MGAT4A: variants seen among roughly 807,000 people sequenced by gnomAD.
The protein encoded by MGAT4A is N-acetylglucosaminyltransferase IVa.
In MGAT4A, 33 loss-of-function variants were observed where a neutral mutation model predicts 74.1. That is an observed-to-expected ratio of 0.45 (90% CI 0.34 to 0.60). The LOEUF is 0.60. Ranked by LOEUF, MGAT4A falls within the 20% of genes least tolerant of loss-of-function variation. The pLI is 0.02. For synonymous variants in MGAT4A, 198 were observed against 210.4 expected, an observed-to-expected ratio of 0.94 and a Z score of 0.51; for missense variants, 479 against 628.3, an observed-to-expected ratio of 0.76 and a Z score of 2.54.
chr2:98,716,826 T>C (rs1702599441), intron 2 of MGAT4A, among the ~76,000 whole-genome samples: 1 of 152,214 alleles, frequency 6.6e-6, no homozygotes, highest in South Asian at 2.1e-4. Flanking sequence ...AAATCATCTC[T>C]AGATTACTTA....
intron 13 of MGAT4A, 38 bp downstream of exon 13, chr2:98,636,479 A>C (rs192928342): frequency 6.9e-7 from 1 of 1,450,298 alleles, no homozygotes; most frequent in Admixed American, 1.7e-5. Flanking sequence ...TACTAGTATT[A>C]GTTGTTAGGG....
chr2:98,685,899 T>C (rs946169583), intron 2 of MGAT4A, among the ~76,000 whole-genome samples: 5 of 152,144 alleles, frequency 3.3e-5, no homozygotes, highest in Non-Finnish European at 5.9e-5. Flanking sequence ...GTAGCCAGCA[T>C]TGTCCTCGGG....
chr2:98,707,829 G>A (rs917259319), intron 2 of MGAT4A, among the ~76,000 whole-genome samples: 2 of 152,128 alleles, frequency 1.3e-5, no homozygotes, highest in Non-Finnish European at 2.9e-5. Context: ...CCAGAGCAAG[G>A]CTGCTCATGT....
intron 2 of MGAT4A, among the ~76,000 whole-genome samples, chr2:98,713,758 G>A (rs72825780): frequency 0.053 from 8,132 of 152,230 alleles, 407 homozygotes; most frequent in African/African-American, 0.12. Flanking sequence ...TTCTGACTCA[G>A]AACCAACATG....
intron 7 of MGAT4A, chr2:98,655,883 ATT>A: frequency 5.5e-6 from 1 of 183,358 alleles, no homozygotes; most frequent in African/African-American, 2.4e-5. Context: ...CTTAATACAT[ATT>A]TTTCCAAACT....
intron 4 of MGAT4A, among the ~76,000 whole-genome samples, chr2:98,666,812 T>A (rs1039131552): frequency 1.3e-5 from 2 of 152,174 alleles, no homozygotes; most frequent in African/African-American, 4.8e-5. Context: ...ATCCACAGTG[T>A]GCAAACAAGA....
At chr2:98,728,666 T>C (rs1001711109) in intron 1 of MGAT4A, among the ~76,000 whole-genome samples, 8 of 152,092 alleles carry the variant, frequency 5.3e-5, no homozygotes, top group African/African-American at 1.4e-4. Flanking sequence ...GGAGAATTAC[T>C]TGAACCTGGG....
At chr2:98,672,129 C>G (rs1267186740) in intron 4 of MGAT4A, among the ~76,000 whole-genome samples, 1 of 152,002 alleles carries the variant, frequency 6.6e-6, no homozygotes, top group Non-Finnish European at 1.5e-5. Flanking sequence ...CACCAACACA[C>G]CCATCTTCAC....
Position 98,678,484 on chromosome 2 carries a change from C to T in MGAT4A, c.95-13G>A. On this transcript the variant is annotated splice_polypyrimidine_tract_variant and intron_variant, in intron 2 of 15. Coordinates refer to ENST00000393487, the MANE Select transcript of MGAT4A (RefSeq NM_012214.3). ...GCAATCAGTTTTTCTAGAAGCAAAA[C>T]CAAAACAGTTATAGTATATGTCTTA... 1 of 1,548,772 alleles carries T rather than the reference C, an allele frequency of 6.5e-7. No individual in the cohort carries two copies.
Position 98,664,396 on chromosome 2 carries a change from G to T in MGAT4A, c.404-1217C>A, listed in dbSNP as rs1234063522. On this transcript the variant is annotated intron_variant, in intron 4 of 15. Coordinates refer to ENST00000393487, the MANE Select transcript of MGAT4A (RefSeq NM_012214.3). ...TTTCACATTAGCTTACGTGCAATTT[G>T]TCCTCTGAGACAAACACCAGGTGAA... Among the ~76,000 whole-genome samples, 3 of 152,056 alleles carry T rather than the reference G, an allele frequency of 2.0e-5. No homozygotes were observed. In the South Asian group the frequency reaches 6.2e-4, roughly 31 times the overall value.
At chr2:98,635,177 G>T in intron 14 of MGAT4A, 45 bp downstream of exon 14, 2 of 1,417,480 alleles carry the variant, frequency 1.4e-6, no homozygotes, top group Non-Finnish European at 2.0e-6. Flanking sequence ...TACTTTAGGA[G>T]TAAGTCCAGA....
intron 8 of MGAT4A, among the ~76,000 whole-genome samples, chr2:98,653,081 T>C (rs1316205475): frequency 1.4e-5 from 2 of 140,804 alleles, no homozygotes; most frequent in Non-Finnish European, 3.1e-5. Context: ...AAAGAAGAAA[T>C]CACAAGGGAT....
intron 9 of MGAT4A, 125 bp from the exon 10 acceptor site, chr2:98,644,178 C>T: frequency 2.0e-6 from 2 of 990,520 alleles, no homozygotes; most frequent in South Asian, 5.0e-5. Context: ...TCATCATAAA[C>T]AATTTCCCCA....
intron 6 of MGAT4A, 26 bp from the exon 7 acceptor site, chr2:98,656,491 A>T (rs1358914056): frequency 1.4e-6 from 2 of 1,464,710 alleles, no homozygotes; most frequent in South Asian, 1.2e-5. Context: ...TAGCTGAGTT[A>T]CTTAAGTTCT....
intron 2 of MGAT4A, among the ~76,000 whole-genome samples, chr2:98,689,364 T>A (rs1414533066): frequency 6.6e-6 from 1 of 152,174 alleles, no homozygotes; most frequent in African/African-American, 2.4e-5. Context: ...CTAATAATGG[T>A]GGTGAAATTG....
chr2:98,709,190 G>A (rs763232712), intron 2 of MGAT4A, among the ~76,000 whole-genome samples: 8 of 152,042 alleles, frequency 5.3e-5, no homozygotes, highest in African/African-American at 1.4e-4. Flanking sequence ...ATGAGACCAC[G>A]GAGAAAAAGG....
chr2:98,627,441 T>A (rs538644284), intron 14 of MGAT4A, among the ~76,000 whole-genome samples: 1 of 152,324 alleles, frequency 6.6e-6, no homozygotes, highest in Admixed American at 6.5e-5. Context: ...GATGGCACGA[T>A]CTCGGCTCAC....
intron 4 of MGAT4A, chr2:98,663,515 T>C (rs1701783335): frequency 1.5e-6 from 2 of 1,304,772 alleles, no homozygotes; most frequent in South Asian, 4.0e-5. Flanking sequence ...ACTAATGTCT[T>C]ATCTCTCGAC....
intron 2 of MGAT4A, among the ~76,000 whole-genome samples, chr2:98,690,087 G>A (rs147380533): frequency 1.5e-3 from 230 of 151,858 alleles, no homozygotes; most frequent in African/African-American, 5.3e-3. Context: ...GACAGAAAAC[G>A]TCAGACAATC....
Sources: gnomAD v4.1 joint callset for allele counts (sites outside exome capture counted in the v4.1 genomes callset) on GRCh38, gnomAD v4.1.1 for gene constraint, MANE v1.5 for transcripts, NCBI Gene and HGNC (gene_info 2026-07-23, HGNC 2026-07-21) for gene names.